TAFA5: variants seen among roughly 807,000 people sequenced by gnomAD.
The protein encoded by TAFA5 is TAFA chemokine like family member 5.
In TAFA5, 6 loss-of-function variants were observed where a neutral mutation model predicts 15.3. The ratio of observed to expected loss-of-function variants is 0.39; its 90% CI spans 0.21 to 0.77. The LOEUF is 0.77. Ranked by LOEUF, TAFA5 falls within the 30% of genes least tolerant of loss-of-function variation. The pLI, the probability that TAFA5 is intolerant of heterozygous loss-of-function variation, is 0.41. For synonymous variants in TAFA5, 103 were observed against 80.7 expected (o/e 1.28, Z -1.48); for missense variants, 161 against 193.1 (o/e 0.83, Z 0.98).
At chr22:48,694,171 T>C (rs1314883540) in intron 2 of TAFA5, among the ~76,000 whole-genome samples, 1 of 152,188 alleles carries the variant, frequency 6.6e-6, no homozygotes, top group Admixed American at 6.5e-5. Flanking sequence ...ATGAAGCTAA[T>C]TGATTCCCCA....
chr22:48,555,409 C>G (rs546816056), intron 1 of TAFA5, among the ~76,000 whole-genome samples: 1 of 152,190 alleles, frequency 6.6e-6, no homozygotes, highest in African/African-American at 2.4e-5. Context: ...GAGGGATTTC[C>G]GGGGAGGGCG....
chr22:48,701,799 T>C (rs558262511), intron 2 of TAFA5, among the ~76,000 whole-genome samples: 1 of 152,296 alleles, frequency 6.6e-6, no homozygotes, highest in South Asian at 2.1e-4. Context: ...CTCCCCTGGC[T>C]GCCTCCCTCC....
At chr22:48,721,788 G>A (rs1929576839) in intron 3 of TAFA5, among the ~76,000 whole-genome samples, 2 of 152,140 alleles carry the variant, frequency 1.3e-5, no homozygotes, top group South Asian at 4.1e-4. Context: ...GGCCAACATG[G>A]TGAAACCCCG....
At chr22:48,723,351 C>T (rs960884460) in intron 3 of TAFA5, among the ~76,000 whole-genome samples, 4 of 152,174 alleles carry the variant, frequency 2.6e-5, no homozygotes, top group Admixed American at 1.3e-4. Context: ...AATGTCAGCT[C>T]CCCGTTAAAC....
At chr22:48,508,997 T>C (rs945247006) in intron 1 of TAFA5, among the ~76,000 whole-genome samples, 9 of 152,218 alleles carry the variant, frequency 5.9e-5, no homozygotes, top group African/African-American at 2.2e-4. Context: ...ATAACCATAA[T>C]TCTCCTCTCT....
At chr22:48,681,125 G>A (rs920311908) in intron 2 of TAFA5, among the ~76,000 whole-genome samples, 19 of 152,226 alleles carry the variant, frequency 1.2e-4, no homozygotes, top group African/African-American at 4.1e-4. Flanking sequence ...TGCAGCACTC[G>A]GAGGCAGGGC....
intron 1 of TAFA5, among the ~76,000 whole-genome samples, chr22:48,542,630 GGTGT>G (rs1447400660): frequency 1.2e-4 from 2 of 16,866 alleles, no homozygotes; most frequent in Admixed American, 1.4e-3. Context: ...GGTGTGTGTG[GGTGT>G]GTGATGTGTG....
chr22:48,743,297 C>G (rs1930234619), intron 3 of TAFA5, among the ~76,000 whole-genome samples: 1 of 152,204 alleles, frequency 6.6e-6, no homozygotes, highest in African/African-American at 2.4e-5. Context: ...AGAGGGTCCT[C>G]CCTGCCTCTT....
chr22:48,500,339 A>G (rs948477713), intron 1 of TAFA5, among the ~76,000 whole-genome samples: 1 of 152,202 alleles, frequency 6.6e-6, no homozygotes, highest in African/African-American at 2.4e-5. Context: ...TTCACGGGCT[A>G]AGGGACTGAT....
chr22:48,680,231 A>G (rs1383581145), intron 2 of TAFA5, among the ~76,000 whole-genome samples: 1 of 152,258 alleles, frequency 6.6e-6, no homozygotes, highest in Non-Finnish European at 1.5e-5. Flanking sequence ...AAGCAGAGTT[A>G]TAAATAACTT....
intron 1 of TAFA5, among the ~76,000 whole-genome samples, chr22:48,510,219 T>A (rs994786641): frequency 6.6e-6 from 1 of 152,176 alleles, no homozygotes; most frequent in African/African-American, 2.4e-5. Context: ...CAAAAGCTTC[T>A]GCACAGCAAA....
chr22:48,676,682 A>G (rs995782486), intron 2 of TAFA5, among the ~76,000 whole-genome samples: 3 of 152,200 alleles, frequency 2.0e-5, no homozygotes, highest in African/African-American at 7.2e-5. Context: ...CTCCCCAGCC[A>G]GTGTGGACTA....
rs184773811 is a variant in TAFA5 at position 48,616,272 on chromosome 22, C to T, written c.113-30325C>T. ...GGTGGAATACATTCATACAGTGTGGCCAATACCGCCGTAACCCCGCCGTGC... is the reference window on the plus strand; with the variant it reads ...GGTGGAATACATTCATACAGTGTGGTCAATACCGCCGTAACCCCGCCGTGC... On this transcript the variant is annotated intron_variant, in intron 1 of 3. Transcript: ENST00000402357. Among the ~76,000 whole-genome samples, 8 of 152,228 alleles carry T rather than the reference C, an allele frequency of 5.3e-5. No homozygotes were observed. The East Asian group carries it at 1.6e-3, about 30-fold the overall frequency.
At chr22:48,662,485 G>A (rs547728504) in intron 2 of TAFA5, among the ~76,000 whole-genome samples, 79 of 128,296 alleles carry the variant, frequency 6.2e-4, no homozygotes, top group African/African-American at 1.5e-3. Flanking sequence ...GTGTGTGATG[G>A]GGGTGATTCA....
In TAFA5 at chr22:48,736,929, T is replaced by TA. The variant is rs375784323; in HGVS notation, c.391-12910_391-12909insA. ...TGGTGATGGTCGCCCAACCTGGGAATTGATGCTTTAAGTGGCAAATTTTAT... is the reference window on the plus strand; with the variant it reads ...TGGTGATGGTCGCCCAACCTGGGAATATGATGCTTTAAGTGGCAAATTTTAT... On this transcript the variant is annotated intron_variant, in intron 3 of 3. Transcript: ENST00000402357. Among the ~76,000 whole-genome samples, 579 of 152,254 alleles carry TA rather than the reference T, an allele frequency of 3.8e-3. 3 individuals are homozygous for TA. The highest frequency in any genetic ancestry group is 0.013 in the African/African-American group (556 of 41,524).
intron 1 of TAFA5, among the ~76,000 whole-genome samples, chr22:48,578,859 G>C (rs1043444605): frequency 3.9e-5 from 6 of 152,116 alleles, no homozygotes; most frequent in East Asian, 1.9e-4. Flanking sequence ...AGAGGTGCAG[G>C]GAGGGGGGTG....
chr22:48,737,603 C>T (rs1930066679), intron 3 of TAFA5, among the ~76,000 whole-genome samples: 1 of 152,226 alleles, frequency 6.6e-6, no homozygotes, highest in African/African-American at 2.4e-5. Flanking sequence ...AGAGCTGCAC[C>T]ATGGCACAGC....
At chr22:48,712,673 C>G (rs904764122) in intron 3 of TAFA5, among the ~76,000 whole-genome samples, 5 of 152,186 alleles carry the variant, frequency 3.3e-5, no homozygotes, top group African/African-American at 1.2e-4. Context: ...GTCCACCTGC[C>G]CCAGGCGAGG....
intron 3 of TAFA5, among the ~76,000 whole-genome samples, chr22:48,726,291 C>G (rs12157646): frequency 0.32 from 48,548 of 152,118 alleles, 8,257 homozygotes; most frequent in Admixed American, 0.41. Context: ...GTCTTCAGTG[C>G]GGATGGCATC....
Sources: gnomAD v4.1 joint callset for allele counts (sites outside exome capture counted in the v4.1 genomes callset) on GRCh38, gnomAD v4.1.1 for gene constraint, MANE v1.5 for transcripts, NCBI Gene and HGNC (gene_info 2026-07-23, HGNC 2026-07-21) for gene names.